The following CDK19 variants were observed in gnomAD, a reference collection of about 807,000 sequenced individuals.
CDK19 encodes cyclin dependent kinase 19.
Under a neutral mutation model 68.3 loss-of-function variants are expected in CDK19, and 20 were observed. The observed-to-expected ratio is 0.29, with a 90% confidence interval of 0.21 to 0.43. The LOEUF (loss-of-function observed/expected upper bound fraction) is 0.43, where lower values mean the gene tolerates loss of function less well. Among genes scored for constraint, CDK19 ranks in the 20% least tolerant of loss-of-function variants. The pLI is 1.00. For missense variants in CDK19, 339 were observed against 623.5 expected (o/e 0.54, Z 4.86); for synonymous variants, 221 against 222.8 (o/e 0.99, Z 0.07).
At chr6:110,809,050 CAAA>C (rs760361150) in intron 1 of CDK19, among the ~76,000 whole-genome samples, 1 of 121,804 alleles carries the variant, frequency 8.2e-6, no homozygotes, top group Non-Finnish European at 1.8e-5. Context: ...ACTAAAAATA[CAAA>C]AAAAAAAAAA....
At chr6:110,711,991 T>C (rs1461240388) in intron 2 of CDK19, among the ~76,000 whole-genome samples, 1 of 152,100 alleles carries the variant, frequency 6.6e-6, no homozygotes, top group Non-Finnish European at 1.5e-5. Context: ...AATAAATAAA[T>C]TACAACGAAC....
At chr6:110,798,670 GAAC>G (rs1266290905) in intron 1 of CDK19, among the ~76,000 whole-genome samples, 4 of 145,664 alleles carry the variant, frequency 2.7e-5, no homozygotes, top group African/African-American at 5.0e-5. Context: ...AACTTCCCAG[GAAC>G]AACAAGATAT....
At chr6:110,642,534 A>G (rs1248896094) in intron 4 of CDK19, among the ~76,000 whole-genome samples, 1 of 152,212 alleles carries the variant, frequency 6.6e-6, no homozygotes, top group Non-Finnish European at 1.5e-5. Flanking sequence ...AGTATACAAC[A>G]TATCATATAC....
chr6:110,745,577 C>A (rs1242453322), intron 2 of CDK19, among the ~76,000 whole-genome samples: 1 of 152,074 alleles, frequency 6.6e-6, no homozygotes, highest in Admixed American at 6.6e-5. Context: ...AATTCCATCA[C>A]AATTTTAATA....
intron 1 of CDK19, among the ~76,000 whole-genome samples, chr6:110,753,545 G>T (rs1778623002): frequency 7.3e-6 from 1 of 137,596 alleles, no homozygotes. Context: ...ACCACACCTG[G>T]ATTTTTTTTT....
chr6:110,660,427 G>A (rs1371526402), intron 4 of CDK19, among the ~76,000 whole-genome samples: 1 of 152,196 alleles, frequency 6.6e-6, no homozygotes, highest in East Asian at 1.9e-4. Flanking sequence ...TTTGCCATCT[G>A]TAGACAGCTT....
At chr6:110,767,023 A>C (rs1179096022) in intron 1 of CDK19, among the ~76,000 whole-genome samples, 1 of 151,940 alleles carries the variant, frequency 6.6e-6, no homozygotes, top group Non-Finnish European at 1.5e-5. Context: ...AGTCCCAGTT[A>C]CTCGGGAGGC....
At chr6:110,812,190 G>C (rs1443137102) in intron 1 of CDK19, among the ~76,000 whole-genome samples, 2 of 151,076 alleles carry the variant, frequency 1.3e-5, no homozygotes, top group Non-Finnish European at 2.9e-5. Flanking sequence ...GCGGGATCTC[G>C]GCTCACTGCA....
At chr6:110,776,993 G>A (rs1048629919) in intron 1 of CDK19, among the ~76,000 whole-genome samples, 7 of 152,196 alleles carry the variant, frequency 4.6e-5, no homozygotes, top group African/African-American at 1.7e-4. Context: ...GCAGCCAGAA[G>A]TGGCAAGTTA....
At chr6:110,660,573 A>C (rs1781557918) in intron 4 of CDK19, among the ~76,000 whole-genome samples, 1 of 152,124 alleles carries the variant, frequency 6.6e-6, no homozygotes, top group South Asian at 2.1e-4. Context: ...AGGGGATCTG[A>C]TTGCCAATAA....
intron 6 of CDK19, among the ~76,000 whole-genome samples, chr6:110,628,531 T>C (rs906985593): frequency 1.1e-4 from 16 of 152,236 alleles, no homozygotes; most frequent in Admixed American, 1.0e-3. Context: ...ATCCACACTG[T>C]ATACTCACTA....
At chr6:110,710,637 C>A (rs1774870904) in intron 2 of CDK19, among the ~76,000 whole-genome samples, 1 of 152,184 alleles carries the variant, frequency 6.6e-6, no homozygotes, top group Admixed American at 6.5e-5. Flanking sequence ...TCAGAGACTG[C>A]CATCTTCTCA....
intron 2 of CDK19, chr6:110,706,901 T>C (rs1181897482): frequency 6.0e-6 from 1 of 166,318 alleles, no homozygotes; most frequent in Non-Finnish European, 1.3e-5. Flanking sequence ...TTAAAGAAAA[T>C]ATAGCAGTGC....
chr6:110,633,595 GA>G (rs1652718780), intron 5 of CDK19, among the ~76,000 whole-genome samples: 1 of 151,966 alleles, frequency 6.6e-6, no homozygotes, highest in Non-Finnish European at 1.5e-5. Context: ...CTAATCAATT[GA>G]AATATTGGGG....
intron 2 of CDK19, among the ~76,000 whole-genome samples, chr6:110,721,759 T>C (rs1032556913): frequency 1.3e-5 from 2 of 151,968 alleles, no homozygotes; most frequent in East Asian, 3.9e-4. Context: ...AATCAAGGAT[T>C]TGAGATCAGC....
rs967422565 is a variant in CDK19 at position 110,621,465 on chromosome 6, G to C, written c.1111-95C>G. ...TGCACATGTGGCTGCTGACCAACCT[G>C]GGGGAGCAATCTATGTGGGACACTA... On this transcript the variant is annotated intron_variant, in intron 11 of 12. Transcript: ENST00000368911. This position sits in a 1 kb window ranked among gnomAD's most constrained non-coding sequence, Gnocchi z 5.4. The C allele has an allele frequency of 2.4e-6, 3 of 1,243,050 alleles. No homozygotes were observed. Among genetic ancestry groups the C allele is most frequent in the East Asian group, 4.7e-5 (2 of 42,620 alleles). The allele number at this position is 1,243,050 out of a possible 1,614,324, so 77.0% of individuals were successfully genotyped here.
At chr6:110,789,439 C>T (rs1011635917) in intron 1 of CDK19, among the ~76,000 whole-genome samples, 1 of 152,132 alleles carries the variant, frequency 6.6e-6, no homozygotes, top group Non-Finnish European at 1.5e-5. Flanking sequence ...CCACCACGCC[C>T]AGCTAATTTT....
intron 4 of CDK19, among the ~76,000 whole-genome samples, chr6:110,662,245 C>T (rs1781664563): frequency 6.6e-6 from 1 of 152,172 alleles, no homozygotes; most frequent in African/African-American, 2.4e-5. Context: ...GCTGGGATTA[C>T]ATGCATGAGC....
intron 2 of CDK19, 152 bp downstream of exon 2, chr6:110,745,974 T>G (rs1778047626): frequency 4.6e-6 from 2 of 435,568 alleles, no homozygotes; most frequent in Admixed American, 4.2e-5. Context: ...AATAAAAAGT[T>G]TATGCAGATT....
Sources: gnomAD v4.1 joint callset for allele counts (sites outside exome capture counted in the v4.1 genomes callset) on GRCh38, gnomAD v4.1.1 for gene constraint, Gnocchi (gnomAD v3.1) non-coding constraint, MANE v1.5 for transcripts, NCBI Gene and HGNC (gene_info 2026-07-23, HGNC 2026-07-21) for gene names.